Variants in PCNA observed in about 807,000 individuals in gnomAD.
PCNA encodes the protein proliferating cell nuclear antigen, also known as DNA sliding clamp PCNA.
Under a neutral mutation model 27.8 loss-of-function variants are expected in PCNA, and 4 were observed. The observed-to-expected ratio is 0.14, with a 90% confidence interval of 0.07 to 0.33. The LOEUF (loss-of-function observed/expected upper bound fraction) is 0.33. Ranked by LOEUF, PCNA falls within the 10% of genes least tolerant of loss-of-function variation. The pLI is 1.00. For missense variants in PCNA, 165 were observed against 327.4 expected (o/e 0.50, Z 3.83); for synonymous variants, 121 against 119.4 (o/e 1.01, Z -0.09).
At chr20:5,118,557 A>C in intron 3 of PCNA, 53 bp downstream of exon 3, 1 of 1,259,164 alleles carries the variant, frequency 7.9e-7, no homozygotes, top group Non-Finnish European at 1.2e-6. Context: ...ATTCTATGAC[A>C]TAACTATCGT....
chr20:5,115,356 T>G lies in PCNA; in HGVS notation c.713A>C (p.Glu238Ala). The change falls in exon 6 of 6, where the codon GAG becomes GCG. Residue 238 changes from glutamate (E) to alanine (A), a missense_variant. By Grantham distance (107) the Glu-to-Ala change is moderately radical (BLOSUM62 -1). Coordinates refer to ENST00000379143, the MANE Select transcript of PCNA (RefSeq NM_182649.2). ...GTGTCCCATATCCGCAATTTTATAC[T>G]CTACAACTGAAAGACAGGAAGATGG... ...SMSADVPLVV[E>A]YKIADMGHLK... 1 of 1,613,914 alleles carries G rather than the reference T, an allele frequency of 6.2e-7. No homozygotes were observed. Among genetic ancestry groups the G allele is most frequent in the Non-Finnish European group, 8.5e-7 (1 of 1,179,820 alleles).
intron 4 of PCNA, 33 bp from the exon 5 acceptor site, chr20:5,115,605 T>C (rs759081753): frequency 6.3e-7 from 1 of 1,590,804 alleles, no homozygotes; most frequent in South Asian, 1.1e-5. Flanking sequence ...TTGAAAAACA[T>C]CAAGAAAGTT....
intron 1 of PCNA, 73 bp downstream of exon 1, chr20:5,119,505 C>G (rs942887431): frequency 7.9e-7 from 1 of 1,267,426 alleles, no homozygotes; most frequent in Non-Finnish European, 1.1e-6. Context: ...GAGGGCTAGG[C>G]TCGAAAGCGC....
intron 1 of PCNA, 71 bp from the exon 2 acceptor site, chr20:5,118,937 G>T: frequency 9.5e-7 from 1 of 1,049,320 alleles, no homozygotes; most frequent in South Asian, 1.4e-5. Context: ...AACGCGGTTA[G>T]AAGGGGTTAC....
rs139421972 is a variant in PCNA at position 5,117,344 on chromosome 20, C to T, written c.582+126G>A. 140 of 667,102 alleles carry T rather than the reference C, an allele frequency of 2.1e-4. No individual in the cohort carries two copies. In the African/African-American group the frequency reaches 2.4e-3, roughly 11 times the overall value. 41.3% of individuals were successfully genotyped at this position (667,102 alleles called of 1,614,324 possible). On this transcript the variant is annotated intron_variant, in intron 4 of 5. Coordinates refer to ENST00000379143, the MANE Select transcript of PCNA (RefSeq NM_182649.2). Reference sequence around the variant, plus strand: ...CTTATAAATCATTCGCAGATTTCAACAGTATCTCAATTTTCAGAAATTACT... The same window carrying T: ...CTTATAAATCATTCGCAGATTTCAATAGTATCTCAATTTTCAGAAATTACT...
rs371098995 is a variant in PCNA at position 5,119,844 on chromosome 20, G to A, written c.-46C>T. ...GCCGCTACAGGCAGGCGGGAAGGAG[G>A]AAAGTCTAGCTGGTTTCGGCTTCAG... On this transcript the variant is annotated 5_prime_UTR_variant, in exon 1 of 6. Coordinates refer to ENST00000379143, the MANE Select transcript of PCNA (RefSeq NM_182649.2). 194 of 1,472,868 alleles carry A rather than the reference G, an allele frequency of 1.3e-4. No individual in the cohort carries two copies. The highest frequency in any genetic ancestry group is 1.7e-4 in the Non-Finnish European group (183 of 1,078,556). The allele number at this position is 1,472,868 out of a possible 1,614,324, so 91.2% of individuals were successfully genotyped here. A position where few individuals can be genotyped will look rare whatever the true frequency, so the allele number is the denominator to read the frequency against.
At position 5,117,516 on chromosome 20, in the gene PCNA, T is replaced by C. The variant is rs915271779; in HGVS notation, c.536A>G (p.Asn179Ser). The C allele has an allele frequency of 6.2e-7, 1 of 1,614,006 alleles. No individual in the cohort carries two copies. The highest frequency in any genetic ancestry group is 8.5e-7 in the Non-Finnish European group (1 of 1,179,936). Residue 179 changes from asparagine (N) to serine (S), a missense_variant, in exon 4 of 6, where the codon AAC (asparagine) becomes AGC (serine). Transcript: ENST00000379143. ...ATTACTTGTCTGTGACAATTTAATG[T>C]TTCCATTTCCAAGTTCTCCACTTGC... ...FSASGELGNG[N>S]IKLSQTSNVD...
At chr20:5,123,866 C>T (rs1311412756), upstream of PCNA, among the ~76,000 whole-genome samples, 1 of 151,956 alleles carries the variant, frequency 6.6e-6, no homozygotes, top group African/African-American at 2.4e-5. Flanking sequence ...TAATGAATAA[C>T]CATACAAGTT....
At chr20:5,118,913 A>C (rs749862360) in intron 1 of PCNA, 47 bp from the exon 2 acceptor site, 91 of 1,350,802 alleles carry the variant, frequency 6.7e-5, no homozygotes, top group Middle Eastern at 5.4e-4. Context: ...CGTCTGCTGA[A>C]GGGCTGTATT....
chr20:5,121,427 C>CAT (rs1284568517), upstream of PCNA: 5 of 140,958 alleles, frequency 3.5e-5, no homozygotes, highest in Non-Finnish European at 7.6e-5. Context: ...AGCTGTGACT[C>CAT]CATACAAGGT....
At chr20:5,115,649 C>G in intron 4 of PCNA, 77 bp from the exon 5 acceptor site, 1 of 1,273,930 alleles carries the variant, frequency 7.8e-7, no homozygotes, top group Non-Finnish European at 1.1e-6. Context: ...TTTATAAAAA[C>G]CCACAAACAC....
intron 4 of PCNA, 64 bp from the exon 5 acceptor site, chr20:5,115,636 A>G (rs1600445380): frequency 2.1e-6 from 3 of 1,422,108 alleles, no homozygotes; most frequent in Non-Finnish European, 2.9e-6. Flanking sequence ...AGCTCATTAT[A>G]TATTTATAAA....
chr20:5,117,373 G>T, intron 4 of PCNA, 97 bp downstream of exon 4: 1 of 796,190 alleles, frequency 1.3e-6, no homozygotes, highest in Non-Finnish European at 2.0e-6. Flanking sequence ...AATTACTTGG[G>T]ATCCAATTCT....
In PCNA at chr20:5,118,656, T is replaced by C. The variant is rs1409532846; in HGVS notation, c.341A>G (p.Tyr114Cys). The change falls in exon 3 of 6, where the codon TAT (tyrosine) becomes TGT (cysteine). Residue 114 changes from tyrosine to cysteine, a missense_variant. Transcript: ENST00000379143. ...ATCTAAATCCATCAACTTCATTTCA[T>C]AGTCTGAAACTTTCTCCTGGTCTAC... is the stretch of plus-strand genomic sequence containing the variant. The part of the protein sequence containing the change: ...EAPNQEKVSD[Y>C]EMKLMDLDVE... 5 of 1,613,656 alleles carry C rather than the reference T, an allele frequency of 3.1e-6. No homozygotes were observed. Among genetic ancestry groups the C allele is most frequent in the East Asian group, 2.2e-5 (1 of 44,902 alleles).
upstream of PCNA, among the ~76,000 whole-genome samples, chr20:5,121,936 C>G (rs73074155): frequency 0.065 from 9,745 of 150,806 alleles, 448 homozygotes; most frequent in Non-Finnish European, 0.097. Flanking sequence ...CAAACTGTTA[C>G]ACAATGCTTT....
chr20:5,126,604 G>A (rs2090551039), exon 1 of PCNA: 2 of 152,546 alleles, frequency 1.3e-5, no homozygotes, highest in Admixed American at 6.5e-5. Flanking sequence ...CAGAACCAGG[G>A]CGCCAGCTCC....
upstream of PCNA, among the ~76,000 whole-genome samples, chr20:5,121,886 A>G (rs2090520458): frequency 6.6e-6 from 1 of 152,182 alleles, no homozygotes; most frequent in Admixed American, 6.5e-5. Flanking sequence ...TCGGTCTCCC[A>G]AAGTGTGAGA....
chr20:5,115,110 TCTTTA>T lies in PCNA; in HGVS notation c.*168_*172del, dbSNP rs2090466220. On this transcript the variant is annotated 3_prime_UTR_variant, in exon 6 of 6. Coordinates refer to ENST00000379143, the MANE Select transcript of PCNA (RefSeq NM_182649.2). ...GACCAGATCTGACTTTGGACTTTAT[TCTTTA>T]AACAAATTGCAGAGAATAGAGAAAA... The T allele has an allele frequency of 1.9e-6, 1 of 536,900 alleles. No homozygotes were observed. The highest frequency in any genetic ancestry group is 1.9e-5 in the African/African-American group (1 of 52,326). The allele number at this position is 536,900 out of a possible 1,614,324, so 33.3% of individuals were successfully genotyped here. A position where few individuals can be genotyped will look rare whatever the true frequency, so the allele number is the denominator to read the frequency against.
chr20:5,119,979 G>T, upstream of PCNA: 1 of 606,434 alleles, frequency 1.6e-6, no homozygotes, highest in Non-Finnish European at 2.9e-6. Flanking sequence ...CCGCAAGCGC[G>T]CGCTCTCACC....
Sources: allele counts gnomAD v4.1 joint callset (sites outside exome capture counted in the v4.1 genomes callset), GRCh38; gene constraint gnomAD v4.1.1; transcripts MANE v1.5; gene names NCBI Gene and HGNC (gene_info 2026-07-23, HGNC 2026-07-21).